The following SUGCT variants were observed in gnomAD, a reference collection of about 807,000 sequenced individuals.
SUGCT encodes succinyl-CoA:glutarate CoA-transferase.
In SUGCT, 41 loss-of-function variants were observed where a neutral mutation model predicts 55.0. The observed-to-expected ratio is 0.74, with a 90% CI of 0.58 to 0.97. The LOEUF is 0.97. Among genes scored for constraint, SUGCT ranks in the 50% least tolerant of loss-of-function variants. The pLI is 0.00. For synonymous variants in SUGCT, 187 were observed against 200.4 expected (o/e 0.93, Z 0.56); for missense variants, 568 against 547.8 (o/e 1.04, Z -0.37).
At chr7:40,259,608 G>A (rs770519918) in intron 7 of SUGCT, among the ~76,000 whole-genome samples, 1 of 152,144 alleles carries the variant, frequency 6.6e-6, no homozygotes, top group Non-Finnish European at 1.5e-5. Flanking sequence ...TAAAGTGATG[G>A]TGCAGCATCA....
At chr7:41,009,395 C>T in the SUGCT span, among the ~76,000 whole-genome samples, 1 of 152,098 alleles carries the variant, frequency 6.6e-6, no homozygotes, top group Non-Finnish European at 1.5e-5. Context: ...TTTAGGTTCC[C>T]AAATCATAGG....
chr7:40,506,918 A>G (rs767504874), intron 12 of SUGCT, among the ~76,000 whole-genome samples: 94 of 152,158 alleles, frequency 6.2e-4, no homozygotes, highest in Non-Finnish European at 9.6e-4. Flanking sequence ...CTCCTTATTG[A>G]TATTATCTCC....
chr7:40,219,002 C>T (rs1320468924), intron 6 of SUGCT, among the ~76,000 whole-genome samples: 1 of 152,136 alleles, frequency 6.6e-6, no homozygotes, highest in Non-Finnish European at 1.5e-5. Context: ...CTTGCTACTA[C>T]TCACTCTTTG....
At chr7:40,308,900 C>T (rs1794984899) in intron 8 of SUGCT, among the ~76,000 whole-genome samples, 1 of 152,178 alleles carries the variant, frequency 6.6e-6, no homozygotes, top group Non-Finnish European at 1.5e-5. Flanking sequence ...ATCCCAGCTA[C>T]TGGGGAGGCT....
intron 12 of SUGCT, among the ~76,000 whole-genome samples, chr7:40,588,721 T>C (rs1797545856): frequency 6.6e-6 from 1 of 152,244 alleles, no homozygotes; most frequent in South Asian, 2.1e-4. Flanking sequence ...AATCTTAAAA[T>C]AGTGTCACTA....
chr7:40,500,020 C>A (rs1792193755), intron 12 of SUGCT, among the ~76,000 whole-genome samples: 1 of 152,122 alleles, frequency 6.6e-6, no homozygotes. Context: ...ATATATCTCA[C>A]CACTGAGAGG....
chr7:40,862,143 C>G (rs1794499547), downstream of SUGCT, among the ~76,000 whole-genome samples: 1 of 152,170 alleles, frequency 6.6e-6, no homozygotes. Context: ...TCTGGCTAAA[C>G]ATACGTAGGA....
chr7:40,446,854 G>A (rs1788866250), intron 9 of SUGCT, among the ~76,000 whole-genome samples: 1 of 152,104 alleles, frequency 6.6e-6, no homozygotes, highest in Non-Finnish European at 1.5e-5. Flanking sequence ...TGTCTGTGCT[G>A]GCTAATACAG....
At chr7:40,601,472 G>T (rs913439166) in intron 12 of SUGCT, among the ~76,000 whole-genome samples, 4 of 152,198 alleles carry the variant, frequency 2.6e-5, no homozygotes, top group Non-Finnish European at 5.9e-5. Context: ...TTTTCTGAAG[G>T]TTTTGAGTCT....
chr7:40,953,642 C>T, the SUGCT span, among the ~76,000 whole-genome samples: 1 of 151,124 alleles, frequency 6.6e-6, no homozygotes, highest in Non-Finnish European at 1.5e-5. Flanking sequence ...TGTGGATGTC[C>T]TTTCTGTTTG....
intron 12 of SUGCT, among the ~76,000 whole-genome samples, chr7:40,586,480 G>GA (rs1204177620): frequency 9.8e-5 from 15 of 152,286 alleles, no homozygotes; most frequent in South Asian, 4.2e-4. Flanking sequence ...GTGAGTTAGA[G>GA]AAGTCCTCCT....
chr7:40,338,199 A>C (rs1455700120), intron 9 of SUGCT, among the ~76,000 whole-genome samples: 3 of 151,984 alleles, frequency 2.0e-5, no homozygotes, highest in Middle Eastern at 3.2e-3. Flanking sequence ...CTTCATTTCA[A>C]GTTTGGTGAA....
At chr7:40,926,094 C>T in the SUGCT span, among the ~76,000 whole-genome samples, 2 of 151,440 alleles carry the variant, frequency 1.3e-5, no homozygotes, top group Non-Finnish European at 1.5e-5. Flanking sequence ...GAGCAAGTTC[C>T]TGTTTAAAAA....
the SUGCT span, chr7:40,965,182 G>C: frequency 1.3e-5 from 2 of 152,162 alleles, no homozygotes; most frequent in Admixed American, 1.3e-4. Context: ...ATTTGCTTGA[G>C]ACATTAGTAC....
intron 12 of SUGCT, among the ~76,000 whole-genome samples, chr7:40,669,198 A>G (rs942073888): frequency 1.3e-5 from 2 of 152,122 alleles, no homozygotes; most frequent in African/African-American, 4.8e-5. Context: ...AAGGTCTAAC[A>G]TAGGCCAAAT....
chr7:40,234,400 A>T lies in SUGCT; in HGVS notation c.485-3235A>T, dbSNP rs146496522. On this transcript the variant is annotated intron_variant, in intron 6 of 13. Coordinates refer to ENST00000335693, the MANE Select transcript of SUGCT (RefSeq NM_001193313.2). Reference sequence around the variant, plus strand: ...CCCGGGCCAGGGTGCCCTCTACAGCAGCACACTACCTGCCCTGGAACTCAT... The same window carrying T: ...CCCGGGCCAGGGTGCCCTCTACAGCTGCACACTACCTGCCCTGGAACTCAT... 7.2e-5 allele frequency among the ~76,000 whole-genome samples: 11 copies of T among 152,346 alleles called. No homozygotes were observed. In the East Asian group the frequency reaches 2.1e-3, roughly 29 times the overall value.
In SUGCT at chr7:40,749,453, T is replaced by C. The variant is rs1229912878; in HGVS notation, c.1109T>C (p.Val370Ala). ...AEPQVLHNGL[V>A]MEMEHPTVGK... is the part of the protein sequence containing the mutation. ...TTTCAGGTATTACACAATGGCCTCG[T>C]TATGGAGATGGAGCATCCAACTGTG... The change falls in exon 13 of 14, where the codon GTT becomes GCT. Residue 370 changes from valine to alanine, a missense_variant. Physicochemically the swap from Val to Ala is moderately conservative, Grantham distance 64 (BLOSUM62 0). Transcript: ENST00000335693. The C allele has an allele frequency of 6.2e-7, 1 of 1,613,702 alleles. No homozygotes were observed. The highest frequency in any genetic ancestry group is 8.5e-7 in the Non-Finnish European group (1 of 1,179,756).
the SUGCT span, among the ~76,000 whole-genome samples, chr7:40,947,185 A>C: frequency 6.6e-6 from 1 of 152,004 alleles, no homozygotes. Flanking sequence ...ATTTATCTTC[A>C]AGTTCACCAA....
intron 1 of SUGCT, among the ~76,000 whole-genome samples, chr7:40,162,577 A>G (rs1171276959): frequency 1.3e-5 from 2 of 152,172 alleles, no homozygotes; most frequent in Non-Finnish European, 2.9e-5. Context: ...GCTGGGCTCA[A>G]GTGATCCTTC....
Sources: gnomAD v4.1 joint callset for allele counts (sites outside exome capture counted in the v4.1 genomes callset) on GRCh38, gnomAD v4.1.1 for gene constraint, MANE v1.5 for transcripts, NCBI Gene and HGNC (gene_info 2026-07-23, HGNC 2026-07-21) for gene names.